The following RPF2 variants were observed in gnomAD, a reference collection of about 807,000 sequenced individuals.
RPF2 encodes the protein brix domain containing 1.
In RPF2, 21 loss-of-function variants were observed where a neutral mutation model predicts 38.9. The ratio of observed to expected loss-of-function variants is 0.54; its 90% CI spans 0.38 to 0.78. The LOEUF (loss-of-function observed/expected upper bound fraction) is 0.78, where lower values mean the gene tolerates loss of function less well. Ranked by LOEUF, RPF2 falls within the 30% of genes least tolerant of loss-of-function variation. RPF2 has a pLI of 0.00. For missense variants in RPF2, 314 were observed against 358.1 expected, an observed-to-expected ratio of 0.88 and a Z score of 0.99; for synonymous variants, 121 against 126.2, an observed-to-expected ratio of 0.96 and a Z score of 0.28.
Position 111,011,384 on chromosome 6 carries a change from G to A in RPF2, c.493+3247G>A, listed in dbSNP as rs1772012178. Among the ~76,000 whole-genome samples, 3 of 146,336 alleles carry A rather than the reference G, an allele frequency of 2.1e-5. 1 individual carries two copies. Among genetic ancestry groups the A allele is most frequent in the Non-Finnish European group, 3.0e-5 (2 of 66,662 alleles). On this transcript the variant is annotated intron_variant, in intron 7 of 9. Transcript: ENST00000441448. ...CTCACTGCAACCTCCACCTCCCAGG[G>A]TCAAGCAATTCTCTTCCTTAGCCTC...
intron 5 of RPF2, 42 bp downstream of exon 5, chr6:110,997,306 A>C (rs1771732672): frequency 8.3e-7 from 1 of 1,211,898 alleles, no homozygotes; most frequent in Non-Finnish European, 1.2e-6. Flanking sequence ...TGATAGAGTC[A>C]ATTTGTTAGC....
At chr6:111,024,375 T>C in intron 9 of RPF2, 48 bp downstream of exon 9, 1 of 1,526,924 alleles carries the variant, frequency 6.5e-7, no homozygotes, top group Non-Finnish European at 8.8e-7. Flanking sequence ...TTTTCTACTT[T>C]AATCCTTTTT....
chr6:110,986,254 C>G (rs1247161268), intron 2 of RPF2, among the ~76,000 whole-genome samples: 1 of 152,180 alleles, frequency 6.6e-6, no homozygotes, highest in Non-Finnish European at 1.5e-5. Flanking sequence ...AGATATTAAG[C>G]AAGAGATACC....
At chr6:110,988,173 AGCCT>A (rs2114292164) in intron 2 of RPF2, among the ~76,000 whole-genome samples, 1 of 152,228 alleles carries the variant, frequency 6.6e-6, no homozygotes, top group South Asian at 2.1e-4. Flanking sequence ...ATTGCACTCC[AGCCT>A]GGGCAACAGA....
At chr6:110,984,458 A>G (rs1302449147) in intron 1 of RPF2, among the ~76,000 whole-genome samples, 1 of 152,212 alleles carries the variant, frequency 6.6e-6, no homozygotes, top group Non-Finnish European at 1.5e-5. Context: ...GAATGGTGGG[A>G]ATACAAAAAT....
chr6:110,989,179 TAC>T (rs3215991), intron 3 of RPF2, 114 bp downstream of exon 3: 220,289 of 1,060,094 alleles, frequency 0.21, 27,770 homozygotes, highest in East Asian at 0.66. Context: ...TAAAATTCCT[TAC>T]AGTTATTAAT....
intron 3 of RPF2, among the ~76,000 whole-genome samples, chr6:110,990,236 C>T (rs1422526804): frequency 6.6e-6 from 1 of 150,480 alleles, no homozygotes. Flanking sequence ...CCGTGCCCGG[C>T]CCTAGTTTTC....
chr6:110,986,588 C>T (rs1187282420), intron 2 of RPF2, among the ~76,000 whole-genome samples: 4 of 152,148 alleles, frequency 2.6e-5, no homozygotes, highest in Admixed American at 2.6e-4. Context: ...TTTTTTCTAC[C>T]TCTGTAGCCT....
At chr6:111,004,944 T>A (rs890862469) in intron 6 of RPF2, among the ~76,000 whole-genome samples, 10 of 151,672 alleles carry the variant, frequency 6.6e-5, no homozygotes, top group East Asian at 1.9e-4. Flanking sequence ...TTTTTTTTTT[T>A]TTATTACTAT....
intron 9 of RPF2, among the ~76,000 whole-genome samples, chr6:111,024,902 AAG>A (rs1331487643): frequency 1.3e-5 from 2 of 152,196 alleles, no homozygotes; most frequent in East Asian, 1.9e-4. Context: ...CAGCAAAAGA[AAG>A]AGAGTTGTTT....
chr6:111,017,008 A>G lies in RPF2; in HGVS notation c.596+1152A>G, dbSNP rs1253166303. ...AGAGCACCGGCTTGGGGGTAAGGTC[A>G]TAGATCAACAGCATCCCAAGGCAGA... On this transcript the variant is annotated intron_variant, in intron 8 of 9. Transcript: ENST00000441448. Among the ~76,000 whole-genome samples the G allele has an allele frequency of 2.0e-5, 3 of 152,360 alleles. No individual in the cohort carries two copies. In the East Asian group the frequency reaches 5.8e-4, roughly 29 times the overall value.
intron 6 of RPF2, among the ~76,000 whole-genome samples, chr6:111,001,491 C>T (rs1056538769): frequency 6.6e-6 from 1 of 152,128 alleles, no homozygotes; most frequent in African/African-American, 2.4e-5. Flanking sequence ...AATCCTCCCA[C>T]CTCAGCCTCC....
chr6:110,992,088 C>T (rs113619801), intron 4 of RPF2, among the ~76,000 whole-genome samples: 1,716 of 152,186 alleles, frequency 0.011, 31 homozygotes, highest in African/African-American at 0.039. Context: ...AGGTGGATCA[C>T]CTGAGATTGG....
chr6:111,002,902 G>A (rs954248216), intron 6 of RPF2, among the ~76,000 whole-genome samples: 4 of 151,780 alleles, frequency 2.6e-5, no homozygotes, highest in Admixed American at 6.6e-5. Flanking sequence ...CCGAGTAGCC[G>A]GGATTACAGG....
chr6:111,015,475 G>A (rs1377023110), intron 7 of RPF2, among the ~76,000 whole-genome samples: 1 of 152,130 alleles, frequency 6.6e-6, no homozygotes. Flanking sequence ...TTAAAAGTTA[G>A]TATTTTTAAT....
intron 3 of RPF2, 86 bp from the exon 4 acceptor site, chr6:110,991,661 A>C: frequency 2.1e-6 from 1 of 471,654 alleles, no homozygotes; most frequent in Non-Finnish European, 3.8e-6. Flanking sequence ...CAATTGTTTT[A>C]TCATCTGAAT....
chr6:111,007,541 G>GA (rs896190027), intron 6 of RPF2, among the ~76,000 whole-genome samples: 24 of 148,708 alleles, frequency 1.6e-4, no homozygotes, highest in South Asian at 2.1e-4. Context: ...TCTTTAAAAA[G>GA]AAAAAAAAAC....
At chr6:111,015,090 T>A (rs1772083808) in intron 7 of RPF2, among the ~76,000 whole-genome samples, 2 of 152,214 alleles carry the variant, frequency 1.3e-5, no homozygotes, top group South Asian at 4.1e-4. Context: ...CTACTCTTTT[T>A]AAAAGGAAAT....
In RPF2 at chr6:111,025,547, C is replaced by A; in HGVS notation, c.886C>A (p.His296Asn). 1 of 1,606,690 alleles carries A rather than the reference C, an allele frequency of 6.2e-7. No homozygotes were observed. Among genetic ancestry groups the A allele is most frequent in the Non-Finnish European group, 8.5e-7 (1 of 1,178,272 alleles). ...KRPAERITED[H>N]EKKSKRIKKN is the part of the protein sequence containing the mutation. ...ACCTGCAGAAAGGATAACAGAAGACCACGAGAAAAAGTCAAAAAGAATTAA... is the reference window on the plus strand; with the variant it reads ...ACCTGCAGAAAGGATAACAGAAGACAACGAGAAAAAGTCAAAAAGAATTAA... The change falls in exon 10 of 10, where the codon CAC becomes AAC. Residue 296 changes from histidine (H) to asparagine (N), a missense_variant. His to Asn is a moderately conservative substitution (Grantham distance 68, BLOSUM62 1). Transcript: ENST00000441448.
Sources: allele counts gnomAD v4.1 joint callset (sites outside exome capture counted in the v4.1 genomes callset), GRCh38; gene constraint gnomAD v4.1.1; transcripts MANE v1.5; gene names NCBI Gene and HGNC (gene_info 2026-07-23, HGNC 2026-07-21).